The following CSMD1 variants were observed in gnomAD, a reference collection of about 807,000 sequenced individuals.
CSMD1 encodes CUB and Sushi multiple domains 1, also known as CUB and sushi domain-containing protein 1.
CSMD1 carries 213 observed loss-of-function variants against 417.5 expected under a neutral mutation model. The ratio of observed to expected loss-of-function variants is 0.51; its 90% CI spans 0.46 to 0.57. The LOEUF (loss-of-function observed/expected upper bound fraction) is 0.57. CSMD1 is among the 20% of genes least tolerant of loss of function. The pLI is 0.00. For missense variants in CSMD1, 6,923 were observed against 4,529.7 expected (o/e 1.53, Z -15.17); for synonymous variants, 2,862 against 1,736.8 (o/e 1.65, Z -16.11).
At chr8:3,855,162 A>G (rs974839560) in intron 5 of CSMD1, among the ~76,000 whole-genome samples, 22 of 152,204 alleles carry the variant, frequency 1.4e-4, no homozygotes, top group Admixed American at 7.2e-4. Flanking sequence ...TCTAATTAAG[A>G]CAAATTACTT....
At chr8:3,508,728 A>C (rs568622159) in intron 10 of CSMD1, among the ~76,000 whole-genome samples, 2 of 152,280 alleles carry the variant, frequency 1.3e-5, no homozygotes, top group South Asian at 2.1e-4. Flanking sequence ...TTTAAAATTT[A>C]AAACAAATAA....
intron 3 of CSMD1, among the ~76,000 whole-genome samples, chr8:4,228,961 C>G (rs561992795): frequency 6.6e-6 from 1 of 152,224 alleles, no homozygotes; most frequent in Admixed American, 6.5e-5. Flanking sequence ...GCCACTGAGC[C>G]AAGCCAGGAC....
chr8:4,878,420 T>C (rs768483804), intron 1 of CSMD1, among the ~76,000 whole-genome samples: 21 of 152,018 alleles, frequency 1.4e-4, no homozygotes, highest in Non-Finnish European at 3.1e-4. Context: ...GTATTAGTAA[T>C]ATATGATTAA....
intron 5 of CSMD1, among the ~76,000 whole-genome samples, chr8:3,971,709 T>C (rs958882867): frequency 2.0e-5 from 3 of 152,180 alleles, no homozygotes; most frequent in African/African-American, 4.8e-5. Context: ...TACGAGCCTC[T>C]TCCAGTGAGT....
At chr8:3,582,627 T>G (rs931551819) in intron 9 of CSMD1, among the ~76,000 whole-genome samples, 6 of 152,200 alleles carry the variant, frequency 3.9e-5, no homozygotes, top group Admixed American at 1.3e-4. Context: ...GCACCTGAAA[T>G]GCAGCTGGTC....
chr8:4,990,452 C>T (rs1425370810), intron 1 of CSMD1, among the ~76,000 whole-genome samples: 2 of 152,140 alleles, frequency 1.3e-5, no homozygotes, highest in East Asian at 1.9e-4. Context: ...CAACCTCCAC[C>T]TCCCGGGTTC....
At chr8:4,334,595 T>G (rs765539491) in intron 3 of CSMD1, among the ~76,000 whole-genome samples, 1 of 152,150 alleles carries the variant, frequency 6.6e-6, no homozygotes, top group Admixed American at 6.6e-5. Context: ...CTATTTTTAT[T>G]TCTCTATCTG....
chr8:4,849,369 AT>A (rs1314520925), intron 1 of CSMD1, among the ~76,000 whole-genome samples: 1 of 151,914 alleles, frequency 6.6e-6, no homozygotes, highest in Non-Finnish European at 1.5e-5. Flanking sequence ...ACTGAAGTTA[AT>A]TTTTTTCTTT....
At position 3,708,394 on chromosome 8, in the gene CSMD1, T is replaced by A; in HGVS notation, c.1009+20A>T. 2 of 1,608,688 alleles carry A rather than the reference T, an allele frequency of 1.2e-6. No homozygotes were observed. Among genetic ancestry groups the A allele is most frequent in the South Asian group, 1.1e-5 (1 of 90,968 alleles). On this transcript the variant is annotated intron_variant, in intron 7 of 69. Coordinates refer to ENST00000635120, the MANE Select transcript of CSMD1 (RefSeq NM_033225.6). ...TTACAAGGGCGTATCAATCCTCAGATAGAAAGGAAAGGGACTCACAGACAG... is the reference window on the plus strand; with the variant it reads ...TTACAAGGGCGTATCAATCCTCAGAAAGAAAGGAAAGGGACTCACAGACAG...
intron 1 of CSMD1, among the ~76,000 whole-genome samples, chr8:4,710,616 T>C (rs2617052): frequency 0.37 from 55,256 of 150,898 alleles, 10,704 homozygotes; most frequent in Non-Finnish European, 0.43. Context: ...GAGACTCAGA[T>C]GGGTGGATCA....
intron 22 of CSMD1, among the ~76,000 whole-genome samples, chr8:3,345,051 G>C (rs1036294188): frequency 1.3e-5 from 2 of 152,192 alleles, no homozygotes; most frequent in Non-Finnish European, 2.9e-5. Context: ...GTCTCCCTAG[G>C]AAGGCCTTGG....
chr8:3,659,925 C>T (rs1798325227), intron 7 of CSMD1, among the ~76,000 whole-genome samples: 1 of 152,170 alleles, frequency 6.6e-6, no homozygotes, highest in South Asian at 2.1e-4. Flanking sequence ...AGCATATCTT[C>T]ATTGTGTAAT....
intron 2 of CSMD1, among the ~76,000 whole-genome samples, chr8:4,579,624 A>T (rs1214528127): frequency 6.6e-6 from 1 of 152,052 alleles, no homozygotes; most frequent in East Asian, 1.9e-4. Context: ...GGCCTCCCAA[A>T]GTTCTGATAT....
intron 12 of CSMD1, among the ~76,000 whole-genome samples, chr8:3,456,834 G>T (rs1481403505): frequency 6.6e-6 from 1 of 152,074 alleles, no homozygotes; most frequent in South Asian, 2.1e-4. Flanking sequence ...GAACAAACTG[G>T]ATGCAGAACT....
At chr8:4,861,818 AT>A (rs1294994076) in intron 1 of CSMD1, among the ~76,000 whole-genome samples, 2 of 152,228 alleles carry the variant, frequency 1.3e-5, no homozygotes. Context: ...TTAAAGAATT[AT>A]GTATTGATTT....
At chr8:4,465,955 T>C (rs1033072487) in intron 2 of CSMD1, among the ~76,000 whole-genome samples, 5 of 152,178 alleles carry the variant, frequency 3.3e-5, no homozygotes, top group African/African-American at 1.2e-4. Flanking sequence ...GTGCTTCCAA[T>C]ACCTTGTGGG....
intron 7 of CSMD1, among the ~76,000 whole-genome samples, chr8:3,660,815 C>A (rs892246449): frequency 6.6e-6 from 1 of 152,130 alleles, no homozygotes; most frequent in Non-Finnish European, 1.5e-5. Context: ...GCCACCCCGC[C>A]CGACTGACTT....
intron 2 of CSMD1, among the ~76,000 whole-genome samples, chr8:4,583,677 T>C (rs573582371): frequency 6.6e-6 from 1 of 151,944 alleles, no homozygotes; most frequent in South Asian, 2.1e-4. Context: ...TCTGATGGGG[T>C]CGTGGAGAAC....
chr8:3,407,130 G>C (rs1266018631), intron 14 of CSMD1, among the ~76,000 whole-genome samples: 1 of 152,002 alleles, frequency 6.6e-6, no homozygotes, highest in East Asian at 1.9e-4. Context: ...AGGATGGATG[G>C]ATGAATGCAT....
Sources: gnomAD v4.1 joint callset for allele counts (sites outside exome capture counted in the v4.1 genomes callset) on GRCh38, gnomAD v4.1.1 for gene constraint, MANE v1.5 for transcripts, NCBI Gene and HGNC (gene_info 2026-07-23, HGNC 2026-07-21) for gene names.